SLC26A8: variants seen among roughly 807,000 people sequenced by gnomAD.
The protein encoded by SLC26A8 is testis anion transporter 1.
A neutral mutation model predicts 105.0 loss-of-function variants in SLC26A8; 70 were observed. The ratio of observed to expected loss-of-function variants is 0.67; its 90% confidence interval spans 0.55 to 0.81. The LOEUF is 0.81. SLC26A8 is among the 40% of genes least tolerant of loss of function. The pLI is 0.00. For missense variants in SLC26A8, 998 were observed against 1,181.8 expected (o/e 0.84, Z 2.28); for synonymous variants, 415 against 438.3 (o/e 0.95, Z 0.66).
Position 36,019,590 on chromosome 6 carries a change from T to C in SLC26A8, c.118A>G (p.Lys40Glu). The change falls in exon 2 of 20, where the codon AAA (lysine) becomes GAA (glutamate). Residue 40 changes from lysine to glutamate, a missense_variant. Transcript: ENST00000490799. ...YNEETFQQEHKRKASSSGNMN... is the reference protein window; with the variant it reads ...YNEETFQQEHERKASSSGNMN... ...TTCCCAGAAGAGGAGGCCTTCCTTTTGTGTTCCTGTTGAAAGGTCTCCTCA... is the reference window on the plus strand; with the variant it reads ...TTCCCAGAAGAGGAGGCCTTCCTTTCGTGTTCCTGTTGAAAGGTCTCCTCA... 1 of 1,614,174 alleles carries C rather than the reference T, an allele frequency of 6.2e-7. No individual in the cohort carries two copies. The highest frequency in any genetic ancestry group is 8.5e-7 in the Non-Finnish European group (1 of 1,180,026).
intron 10 of SLC26A8, among the ~76,000 whole-genome samples, chr6:35,974,187 G>A (rs753456415): frequency 8.5e-5 from 13 of 152,124 alleles, no homozygotes; most frequent in Non-Finnish European, 1.8e-4. Flanking sequence ...ATGTCGTGGC[G>A]GATGCCTGTA....
intron 14 of SLC26A8, chr6:35,960,105 C>A: frequency 4.2e-6 from 1 of 239,390 alleles, no homozygotes; most frequent in Non-Finnish European, 8.0e-6. Context: ...TACGGGGTTT[C>A]ACCATGTTGG....
chr6:35,959,879 A>G, intron 14 of SLC26A8, 73 bp from the exon 15 acceptor site: 1 of 1,132,666 alleles, frequency 8.8e-7, no homozygotes, highest in Non-Finnish European at 1.3e-6. Flanking sequence ...TATCCTTAGA[A>G]GCTCCTAGAG....
chr6:35,962,579 G>A lies in SLC26A8; in HGVS notation c.1408C>T (p.Leu470Phe), dbSNP rs373313189. ...GIILSNVIPYLETISNLPSLW... is the reference protein window; with the variant it reads ...GIILSNVIPYFETISNLPSLW... ...CTGGGTAGGTTAGAAATGGTTTCAA[G>A]GTAGGGAATGACGTTGCTCAGAATA... Residue 470 changes from leucine (L) to phenylalanine (F), a missense_variant, in exon 12 of 20, where the codon CTT becomes TTT. Transcript: ENST00000490799. The A allele has an allele frequency of 1.9e-6, 3 of 1,614,030 alleles. No individual in the cohort carries two copies. Among genetic ancestry groups the A allele is most frequent in the Non-Finnish European group, 2.5e-6 (3 of 1,180,042 alleles).
chr6:35,969,059 A>C, intron 10 of SLC26A8, 105 bp from the exon 11 acceptor site: 1 of 953,702 alleles, frequency 1.0e-6, no homozygotes, highest in Non-Finnish European at 1.6e-6. Flanking sequence ...TTTTCTTAAA[A>C]GGAGTTGAGT....
chr6:35,959,903 CTTTTTTAT>C (rs1386088468), intron 14 of SLC26A8, 97 bp from the exon 15 acceptor site: 9 of 991,790 alleles, frequency 9.1e-6, no homozygotes, highest in African/African-American at 8.7e-5. Context: ...CTGTATTCTT[CTTTTTTAT>C]TTTTTTATTT....
chr6:35,989,105 G>A (rs919416574), intron 7 of SLC26A8, among the ~76,000 whole-genome samples: 8 of 152,224 alleles, frequency 5.3e-5, no homozygotes, highest in African/African-American at 1.9e-4. Flanking sequence ...CTCCCAAAGT[G>A]CTGGGATTAC....
intron 16 of SLC26A8, among the ~76,000 whole-genome samples, chr6:35,956,277 C>G (rs762953150): frequency 6.6e-6 from 1 of 150,804 alleles, no homozygotes; most frequent in Non-Finnish European, 1.5e-5. Flanking sequence ...CCCCCTGCCC[C>G]CTCCCCAAAA....
At chr6:35,983,692 C>T (rs536835793) in intron 7 of SLC26A8, among the ~76,000 whole-genome samples, 1 of 152,282 alleles carries the variant, frequency 6.6e-6, no homozygotes, top group African/African-American at 2.4e-5. Context: ...GCTGGGATTA[C>T]AGGCGTGTGC....
intron 2 of SLC26A8, among the ~76,000 whole-genome samples, chr6:36,016,912 C>T (rs1762008120): frequency 6.6e-6 from 1 of 152,088 alleles, no homozygotes; most frequent in South Asian, 2.1e-4. Flanking sequence ...TGGCTCATGC[C>T]TGTAATCCCA....
Position 36,019,554 on chromosome 6 carries a change from T to C in SLC26A8, c.154A>G (p.Asn52Asp). 6.2e-7 allele frequency: 1 copy of C among 1,614,034 alleles called. No homozygotes were observed. Among genetic ancestry groups the C allele is most frequent in the African/African-American group, 1.3e-5 (1 of 75,060 alleles). The change falls in exon 2 of 20, where the codon AAC (asparagine) becomes GAC (aspartate). Residue 52 changes from asparagine to aspartate, a missense_variant. Physicochemically the swap from Asn to Asp is conservative, Grantham distance 23 (BLOSUM62 1). Coordinates refer to ENST00000490799, the MANE Select transcript of SLC26A8 (RefSeq NM_052961.4). Reference protein sequence around the residue: ...KASSSGNMNINITTFRHHVQC... With the variant: ...KASSSGNMNIDITTFRHHVQC... ...ACGTGGTGTCTGAAGGTGGTGATGT[T>C]GATGTTCATGTTCCCAGAAGAGGAG...
chr6:35,990,098 C>T (rs887619826), intron 7 of SLC26A8, among the ~76,000 whole-genome samples: 32 of 151,286 alleles, frequency 2.1e-4, no homozygotes, highest in Admixed American at 4.6e-4. Flanking sequence ...CCACCGCACC[C>T]GGCTAGTTTT....
chr6:35,959,550 G>GA lies in SLC26A8; in HGVS notation c.1772dup (p.Ser592GlnfsTer4). On this transcript the variant is annotated frameshift_variant, in exon 16 of 20. Transcript: ENST00000490799. LOFTEE classifies it high-confidence loss of function. ...TGGTGTCACTTGAATTAAACAAGCT[G>GA]AAAATTTCTTCTTCTTTAAGAGGCA... 6.2e-7 allele frequency: 1 copy of GA among 1,613,864 alleles called. No individual in the cohort carries two copies. Among genetic ancestry groups the GA allele is most frequent in the Non-Finnish European group, 8.5e-7 (1 of 1,179,934 alleles).
intron 8 of SLC26A8, among the ~76,000 whole-genome samples, chr6:35,977,942 C>T (rs983779259): frequency 5.3e-5 from 8 of 151,642 alleles, no homozygotes; most frequent in East Asian, 1.9e-4. Context: ...AAAAATTAGC[C>T]GGGTGTGGTG....
chr6:35,992,583 A>G lies in SLC26A8; in HGVS notation c.719T>C (p.Ile240Thr), dbSNP rs1269229948. ...SAYLAAVALH[I>T]MLSQLTFIFG... is the part of the protein sequence containing the mutation. ...GATGAAAGTCAGCTGGGACAGCATG[A>G]TATGAAGTGCCACAGCAGCCAGGTA... The change falls in exon 6 of 20, where the codon ATC (isoleucine) becomes ACC (threonine). Residue 240 changes from isoleucine to threonine, a missense_variant. Coordinates refer to ENST00000490799, the MANE Select transcript of SLC26A8 (RefSeq NM_052961.4). 3 of 1,614,096 alleles carry G rather than the reference A, an allele frequency of 1.9e-6. No individual in the cohort carries two copies. The highest frequency in any genetic ancestry group is 2.5e-6 in the Non-Finnish European group (3 of 1,180,034).
intron 5 of SLC26A8, among the ~76,000 whole-genome samples, chr6:35,996,463 A>G (rs576137330): frequency 6.6e-6 from 1 of 152,332 alleles, no homozygotes; most frequent in East Asian, 1.9e-4. Context: ...GTCCTTGTCA[A>G]TGCAGAAAAA....
At chr6:35,984,322 T>TTA (rs1307125581) in intron 7 of SLC26A8, among the ~76,000 whole-genome samples, 2 of 49,342 alleles carry the variant, frequency 4.1e-5, no homozygotes, top group African/African-American at 9.8e-5. Flanking sequence ...TCTTCTTATT[T>TTA]TTTTTTTTTT....
rs150075304 is a variant in SLC26A8 at position 35,992,662 on chromosome 6, C to T, written c.640G>A (p.Val214Ile). ...LTGIIQLIMGVLGLGFIATYL... is the reference protein window; with the variant it reads ...LTGIIQLIMGILGLGFIATYL... ...GTGGCAATGAAGCCCAAACCCAATA[C>T]GCCCATTATTAGCTGCAGAGAAGAG... Residue 214 changes from valine (V) to isoleucine (I), a missense_variant, in exon 6 of 20, where the codon GTA becomes ATA. Val to Ile is a conservative substitution (Grantham distance 29). Coordinates refer to ENST00000490799, the MANE Select transcript of SLC26A8 (RefSeq NM_052961.4). The T allele has an allele frequency of 1.9e-5, 31 of 1,609,814 alleles. No homozygotes were observed. Among genetic ancestry groups the T allele is most frequent in the African/African-American group, 9.4e-5 (7 of 74,734 alleles).
At chr6:35,985,158 C>T (rs1435633154) in intron 7 of SLC26A8, among the ~76,000 whole-genome samples, 1 of 152,138 alleles carries the variant, frequency 6.6e-6, no homozygotes, top group Non-Finnish European at 1.5e-5. Flanking sequence ...CAATTTGTCC[C>T]ACCCTTCCAG....
Sources: gnomAD v4.1 joint callset for allele counts (sites outside exome capture counted in the v4.1 genomes callset) on GRCh38, gnomAD v4.1.1 for gene constraint, MANE v1.5 for transcripts, NCBI Gene and HGNC (gene_info 2026-07-23, HGNC 2026-07-21) for gene names.